IHO1: variants seen among roughly 807,000 people sequenced by gnomAD.
The protein encoded by IHO1 is interactor of HORMAD1 protein 1.
Under a neutral mutation model 31.0 loss-of-function variants are expected in IHO1, and 13 were observed. That is an observed-to-expected ratio of 0.42 (90% CI 0.27 to 0.67). The LOEUF (loss-of-function observed/expected upper bound fraction) is 0.67, where lower values mean the gene tolerates loss of function less well. IHO1 is among the 30% of genes least tolerant of loss of function. The pLI, the probability that IHO1 is intolerant of heterozygous loss-of-function variation, is 0.24. For synonymous variants in IHO1, 221 were observed against 248.4 expected, an observed-to-expected ratio of 0.89 and a Z score of 1.04; for missense variants, 599 against 687.5, an observed-to-expected ratio of 0.87 and a Z score of 1.44.
At chr3:49,198,347 G>GT (rs938034117), upstream of IHO1, 1 of 152,272 alleles carries the variant, frequency 6.6e-6, no homozygotes, top group African/African-American at 2.4e-5. Context: ...CTTTGAAGCA[G>GT]TTCCAAGTGC....
upstream of IHO1, among the ~76,000 whole-genome samples, chr3:49,197,042 G>A (rs545780374): frequency 4.9e-5 from 7 of 141,760 alleles, no homozygotes; most frequent in East Asian, 1.1e-3. Flanking sequence ...GTGCCGTGGC[G>A]CCATCTCGGC....
intron 2 of IHO1, among the ~76,000 whole-genome samples, chr3:49,233,307 G>A (rs765916161): frequency 3.1e-4 from 47 of 152,304 alleles, no homozygotes; most frequent in Non-Finnish European, 5.7e-4. Flanking sequence ...TAAACATAAG[G>A]ATTTGTGGAA....
Position 49,226,241 on chromosome 3 carries a change from C to T in IHO1, c.57-10307C>T, listed in dbSNP as rs149447930. Among the ~76,000 whole-genome samples the T allele has an allele frequency of 1.9e-3, 289 of 152,014 alleles. 7 individuals carry two copies. The highest frequency in any genetic ancestry group is 6.8e-3 in the Middle Eastern group (2 of 292). ...GGCCTGTTCCTCTTGGTCCCTACACCGAGGTAGCCAGGTTTAATAATGCCT... is the reference window on the plus strand; with the variant it reads ...GGCCTGTTCCTCTTGGTCCCTACACTGAGGTAGCCAGGTTTAATAATGCCT... On this transcript the variant is annotated intron_variant, in intron 2 of 7. Transcript: ENST00000452691.
intron 2 of IHO1, among the ~76,000 whole-genome samples, chr3:49,218,385 T>TG (rs1338398415): frequency 6.8e-6 from 1 of 146,492 alleles, no homozygotes. Context: ...CCTTTTTTTT[T>TG]TTTTTTTTTT....
chr3:49,254,662 G>C (rs2046802292), intron 6 of IHO1, among the ~76,000 whole-genome samples: 2 of 152,158 alleles, frequency 1.3e-5, no homozygotes, highest in African/African-American at 4.8e-5. Flanking sequence ...GAGAAAACAA[G>C]AGTCCAGAGA....
chr3:49,200,012 TGGA>T (rs1575560162), intron 1 of IHO1: 1 of 152,118 alleles, frequency 6.6e-6, no homozygotes, highest in East Asian at 1.9e-4. Context: ...TGTCTCCAGG[TGGA>T]GAAGAGGCGG....
At chr3:49,252,572 C>T (rs2046773168) in intron 6 of IHO1, among the ~76,000 whole-genome samples, 1 of 152,076 alleles carries the variant, frequency 6.6e-6, no homozygotes, top group Non-Finnish European at 1.5e-5. Context: ...GCACATACCA[C>T]CCCACCCAGC....
chr3:49,195,212 G>A (rs1320715302), upstream of IHO1, among the ~76,000 whole-genome samples: 4 of 152,038 alleles, frequency 2.6e-5, no homozygotes, highest in South Asian at 8.3e-4. Flanking sequence ...CTGAGGTCAG[G>A]AGTTCAAGAG....
At position 49,256,991 on chromosome 3, in the gene IHO1, G is replaced by A; in HGVS notation, c.1494G>A (p.Gln498=). 1 of 1,614,206 alleles carries A rather than the reference G, an allele frequency of 6.2e-7. No individual in the cohort carries two copies. The highest frequency in any genetic ancestry group is 8.5e-7 in the Non-Finnish European group (1 of 1,180,026). Residue 498 remains glutamine (Q), a synonymous_variant, in exon 8 of 8, where the codon CAG becomes CAA. Transcript: ENST00000452691. This position sits in a 1 kb window ranked among gnomAD's most constrained non-coding sequence, Gnocchi z 4.6. ...PFLGQQEPRA[Q]PLHLQCPRSP... ...TGGGGCAGCAGGAACCCCGTGCTCA[G>A]CCTCTGCATCTGCAGTGTCCCAGGA...
At chr3:49,202,108 C>T (rs1292557001) in intron 1 of IHO1, among the ~76,000 whole-genome samples, 5 of 151,810 alleles carry the variant, frequency 3.3e-5, no homozygotes, top group African/African-American at 9.7e-5. Context: ...AAATTATTGT[C>T]CTCAAAAGAG....
upstream of IHO1, among the ~76,000 whole-genome samples, chr3:49,197,351 A>C (rs2046005446): frequency 6.6e-6 from 1 of 151,714 alleles, no homozygotes; most frequent in South Asian, 2.1e-4. Context: ...GCTTCAGTGC[A>C]GTGGCATGAT....
chr3:49,200,530 T>G (rs1487568436), intron 1 of IHO1: 1 of 903,022 alleles, frequency 1.1e-6, no homozygotes, highest in East Asian at 1.5e-4. Context: ...GAAAAAAGAT[T>G]GTCGCAGTAG....
chr3:49,226,101 C>A (rs1575575544), intron 2 of IHO1, among the ~76,000 whole-genome samples: 1 of 152,178 alleles, frequency 6.6e-6, no homozygotes, highest in Admixed American at 6.5e-5. Context: ...TGGTAACAAG[C>A]CCTACCAGGT....
At position 49,257,352 on chromosome 3, in the gene IHO1, C is replaced by T. The variant is rs1008183583; in HGVS notation, c.*70C>T. Reference sequence around the variant, plus strand: ...GCAGGACATTTGGGCTGGCCAACAGCAGAAAGTCCCTGAAGCCTGCCAAGT... The same window carrying T: ...GCAGGACATTTGGGCTGGCCAACAGTAGAAAGTCCCTGAAGCCTGCCAAGT... On this transcript the variant is annotated 3_prime_UTR_variant, in exon 8 of 8. Coordinates refer to ENST00000452691, the MANE Select transcript of IHO1 (RefSeq NM_001135197.2). 45 of 1,468,510 alleles carry T rather than the reference C, an allele frequency of 3.1e-5. No homozygotes were observed. The highest frequency in any genetic ancestry group is 4.1e-5 in the Non-Finnish European group (44 of 1,072,462). The allele number at this position is 1,468,510 out of a possible 1,614,324, so 91.0% of individuals were successfully genotyped here. A position where few individuals can be genotyped will look rare whatever the true frequency, so the allele number is the denominator to read the frequency against.
chr3:49,236,615 C>T lies in IHO1; in HGVS notation c.124C>T (p.Leu42Phe). Reference sequence around the variant, plus strand: ...TTCCAGTCTCAGTGATTCCCAGTTCCTCTTTGGATCTCAGTTCTGTCCAGA... The same window carrying T: ...TTCCAGTCTCAGTGATTCCCAGTTCTTCTTTGGATCTCAGTTCTGTCCAGA... ...DYSSLSDSQF[L>F]FGSQFCPENS... The change falls in exon 3 of 8, where the codon CTC (leucine) becomes TTC (phenylalanine). Residue 42 changes from leucine (L) to phenylalanine (F), a missense_variant. Leu to Phe is a conservative substitution (Grantham distance 22). Transcript: ENST00000452691. 1 of 1,613,634 alleles carries T rather than the reference C, an allele frequency of 6.2e-7. No homozygotes were observed. Among genetic ancestry groups the T allele is most frequent in the Non-Finnish European group, 8.5e-7 (1 of 1,179,644 alleles).
chr3:49,225,162 G>T (rs549594659), intron 2 of IHO1, among the ~76,000 whole-genome samples: 4 of 152,174 alleles, frequency 2.6e-5, no homozygotes. Flanking sequence ...TGCTCTCTCT[G>T]TGATGTATAA....
At chr3:49,216,367 C>T (rs1428380785) in intron 2 of IHO1, among the ~76,000 whole-genome samples, 1 of 152,162 alleles carries the variant, frequency 6.6e-6, no homozygotes, top group Non-Finnish European at 1.5e-5. Context: ...CCGAGGCAGG[C>T]ATATTGCTTG....
chr3:49,253,828 C>CTTTTT (rs139087366), intron 6 of IHO1, among the ~76,000 whole-genome samples: 10 of 72,226 alleles, frequency 1.4e-4, no homozygotes, highest in African/African-American at 1.8e-4. Context: ...CTTTATTTGT[C>CTTTTT]TTTTTTTTTT....
chr3:49,233,164 C>G lies in IHO1; in HGVS notation c.57-3384C>G, dbSNP rs191318541. 1.9e-3 allele frequency among the ~76,000 whole-genome samples: 283 copies of G among 152,276 alleles called. 7 individuals carry two copies. Among genetic ancestry groups the G allele is most frequent in the Middle Eastern group, 6.8e-3 (2 of 294 alleles). Reference sequence around the variant, plus strand: ...TCTCAGTCAGCGTGCCACGGCCACACTATGTTCAGCTGGTTTAAACAAAAC... The same window carrying G: ...TCTCAGTCAGCGTGCCACGGCCACAGTATGTTCAGCTGGTTTAAACAAAAC... On this transcript the variant is annotated intron_variant, in intron 2 of 7. Transcript: ENST00000452691.
Sources: allele counts gnomAD v4.1 joint callset (sites outside exome capture counted in the v4.1 genomes callset), GRCh38; gene constraint gnomAD v4.1.1; non-coding constraint Gnocchi (gnomAD v3.1); transcripts MANE v1.5; gene names NCBI Gene and HGNC (gene_info 2026-07-23, HGNC 2026-07-21).